The following MROH1 variants were observed in gnomAD, a reference collection of about 807,000 sequenced individuals.
The protein encoded by MROH1 is maestro heat like repeat family member 1, also known as maestro heat-like repeat-containing protein family member 1.
Under a neutral mutation model 116.5 loss-of-function variants are expected in MROH1, and 117 were observed. The ratio of observed to expected loss-of-function variants is 1.00; its 90% CI spans 0.86 to 1.17. The LOEUF (loss-of-function observed/expected upper bound fraction) is 1.17. Among genes scored for constraint, MROH1 ranks in the 50% most tolerant of loss-of-function variants. MROH1 has a pLI of 0.00. For missense variants in MROH1, 1,873 were observed against 1,338.5 expected, an observed-to-expected ratio of 1.40 and a Z score of -6.23; for synonymous variants, 921 against 583.9, an observed-to-expected ratio of 1.58 and a Z score of -8.32.
At position 144,199,148 on chromosome 8, in the gene MROH1, C is replaced by T. The variant is rs1249149432; in HGVS notation, c.975C>T (p.Ser325=). The change falls in exon 11 of 44, where the codon AGC becomes AGT. Residue 325 remains serine, a synonymous_variant. Transcript: ENST00000326134. The part of the protein sequence containing the change: ...SQICVPVESS[S]PLVMSNQKEV... ...TCTGTGTGCCTGTGGAGTCCTCAAG[C>T]CCCCTGGTGATGAGTAACCAGAAGG... 1.2e-6 allele frequency: 2 copies of T among 1,613,754 alleles called. No homozygotes were observed. The highest frequency in any genetic ancestry group is 1.7e-6 in the Non-Finnish European group (2 of 1,179,812).
At chr8:144,253,153 CA>C (rs1209553585) in intron 33 of MROH1, among the ~76,000 whole-genome samples, 1,837 of 146,820 alleles carry the variant, frequency 0.013, 30 homozygotes, top group African/African-American at 0.041. Context: ...GACTCTGTCT[CA>C]AAAAAAAAAG....
In MROH1 at chr8:144,163,891, C is replaced by T; in HGVS notation, c.22+43C>T. On this transcript the variant is annotated intron_variant, in intron 3 of 43. Transcript: ENST00000326134. The surrounding 1 kb of genome is among the most constrained non-coding windows in gnomAD (Gnocchi z 4.4). ...GGGAGTGGCCGGGTGTGAGGCCTCT[C>T]TTGCCTCTGGGTGGTCAGGGCAGGC... The T allele has an allele frequency of 6.2e-7, 1 of 1,610,872 alleles. No homozygotes were observed. Among genetic ancestry groups the T allele is most frequent in the Non-Finnish European group, 8.5e-7 (1 of 1,177,626 alleles).
chr8:144,154,665 C>CT (rs1224999167), intron 1 of MROH1, among the ~76,000 whole-genome samples: 4,262 of 133,796 alleles, frequency 0.032, 99 homozygotes, highest in African/African-American at 0.039. Flanking sequence ...AATACTGCAT[C>CT]TTTTTTTTTT....
intron 4 of MROH1, among the ~76,000 whole-genome samples, chr8:144,173,929 A>G (rs1823164802): frequency 6.6e-6 from 1 of 152,144 alleles, no homozygotes; most frequent in African/African-American, 2.4e-5. Context: ...TTATTGAGCG[A>G]TGAAAATGGC....
In MROH1 at chr8:144,261,307, C is replaced by T. The variant is rs1456926278; in HGVS notation, c.4798C>T (p.Pro1600Ser). The change falls in exon 43 of 44, where the codon CCC (proline) becomes TCC (serine). Residue 1600 changes from proline (P) to serine (S), a missense_variant. Physicochemically the swap from Pro to Ser is moderately conservative, Grantham distance 74 (BLOSUM62 -1). Coordinates refer to ENST00000326134, the MANE Select transcript of MROH1 (RefSeq NM_032450.3). ...FTGFLVLHSE[P>S]RQQPQVDLDQ... ...AGGGTTCCTGGTGCTGCACTCGGAGCCCAGGCAGCAGCCGCAGGTGGACCT... is the reference window on the plus strand; with the variant it reads ...AGGGTTCCTGGTGCTGCACTCGGAGTCCAGGCAGCAGCCGCAGGTGGACCT... 2.7e-6 allele frequency: 2 copies of T among 728,902 alleles called. No homozygotes were observed. The highest frequency in any genetic ancestry group is 2.5e-6 in the Non-Finnish European group (1 of 401,238). 45.2% of individuals were successfully genotyped at this position (728,902 alleles called of 1,614,324 possible).
intron 10 of MROH1, chr8:144,192,654 A>C: frequency 1.5e-6 from 1 of 669,588 alleles, no homozygotes; most frequent in Non-Finnish European, 2.7e-6. Flanking sequence ...GCCCAGGCCC[A>C]GTGCAGGCCC....
intron 12 of MROH1, among the ~76,000 whole-genome samples, chr8:144,219,185 GC>G (rs1267556712): frequency 6.6e-5 from 10 of 151,836 alleles, no homozygotes; most frequent in African/African-American, 2.4e-4. Context: ...ACCATGCCCG[GC>G]TAATTTTTTG....
rs966519018 is a variant in MROH1 at position 144,244,535 on chromosome 8, T to G, written c.2762T>G (p.Ile921Ser). Residue 921 changes from isoleucine to serine, a missense_variant, in exon 28 of 44, where the codon ATT becomes AGT. Transcript: ENST00000326134. ...NMTPQGLQIM[I>S]EHLSPWIKSP... ...ACCCCCCAAGGCCTGCAGATCATGA[T>G]TGAGGTGTGCAGGGGGGAACTGTCA... The G allele has an allele frequency of 1.4e-5, 11 of 761,912 alleles. No homozygotes were observed. Among genetic ancestry groups the G allele is most frequent in the Admixed American group, 3.5e-5 (2 of 56,840 alleles). The allele number at this position is 761,912 out of a possible 1,614,324, so 47.2% of individuals were successfully genotyped here.
intron 12 of MROH1, chr8:144,214,539 T>G (rs1834854741): frequency 6.6e-6 from 1 of 151,714 alleles, no homozygotes; most frequent in Non-Finnish European, 1.5e-5. Context: ...TAACTTTTGG[T>G]TTTTCCTTGG....
Position 144,241,092 on chromosome 8 carries a change from A to G in MROH1, c.2036A>G (p.Gln679Arg). The G allele has an allele frequency of 2.6e-6, 2 of 771,724 alleles. No homozygotes were observed. Among genetic ancestry groups the G allele is most frequent in the Non-Finnish European group, 4.8e-6 (2 of 414,224 alleles). The allele number at this position is 771,724 out of a possible 1,614,324, so 47.8% of individuals were successfully genotyped here. A position where few individuals can be genotyped will look rare whatever the true frequency, so the allele number is the denominator to read the frequency against. Reference sequence around the variant, plus strand: ...GAGCTGCTGGAGACGGCCAGATACCAGGAGGAGGCAGAACGCGAGGTGGGG... The same window carrying G: ...GAGCTGCTGGAGACGGCCAGATACCGGGAGGAGGCAGAACGCGAGGTGGGG... The part of the protein sequence containing the change: ...LQELLETARY[Q>R]EEAEREGLAC... Residue 679 changes from glutamine (Q) to arginine (R), a missense_variant, in exon 21 of 44, where the codon CAG becomes CGG. By Grantham distance (43) the Gln-to-Arg change is conservative. Coordinates refer to ENST00000326134, the MANE Select transcript of MROH1 (RefSeq NM_032450.3).
intron 4 of MROH1, among the ~76,000 whole-genome samples, chr8:144,170,249 C>G (rs925780215): frequency 6.6e-6 from 1 of 152,206 alleles, no homozygotes; most frequent in South Asian, 2.1e-4. Flanking sequence ...CTCCTCTGAG[C>G]CCCAGCCACT....
At chr8:144,178,284 ACC>A (rs1390683597) in intron 4 of MROH1, among the ~76,000 whole-genome samples, 1 of 151,994 alleles carries the variant, frequency 6.6e-6, no homozygotes, top group Non-Finnish European at 1.5e-5. Flanking sequence ...GGTGTGCGCC[ACC>A]ACACACGGCT....
intron 1 of MROH1, among the ~76,000 whole-genome samples, chr8:144,158,076 T>C (rs1818616960): frequency 7.1e-6 from 1 of 141,156 alleles, no homozygotes; most frequent in Admixed American, 7.5e-5. Context: ...CACTGCAAAC[T>C]CCGCCCCCTG....
intron 3 of MROH1, among the ~76,000 whole-genome samples, chr8:144,166,316 A>G (rs867183210): frequency 6.6e-6 from 1 of 152,190 alleles, no homozygotes; most frequent in South Asian, 2.1e-4. Flanking sequence ...TTGTAGCAGC[A>G]TTGCCGGTGT....
intron 12 of MROH1, among the ~76,000 whole-genome samples, chr8:144,207,974 T>TTGC (rs1282962951): frequency 1.3e-5 from 2 of 151,506 alleles, no homozygotes; most frequent in African/African-American, 4.9e-5. Flanking sequence ...AGACAGAGTT[T>TTGC]TGCTGTTGTT....
At chr8:144,212,985 G>A (rs1167926731) in intron 12 of MROH1, 3 of 773,598 alleles carry the variant, frequency 3.9e-6, no homozygotes, top group Admixed American at 1.7e-5. Flanking sequence ...GTTTGATCTC[G>A]TTACACAGGC....
intron 34 of MROH1, 97 bp from the exon 35 acceptor site, chr8:144,255,412 T>C (rs958097800): frequency 0.77 from 538,987 of 703,916 alleles, 207,535 homozygotes; most frequent in African/African-American, 0.92. Flanking sequence ...TCCGAGCACA[T>C]GATGCAGGCG....
intron 14 of MROH1, among the ~76,000 whole-genome samples, chr8:144,230,357 C>G (rs760442894): frequency 1.3e-5 from 2 of 152,182 alleles, no homozygotes; most frequent in South Asian, 2.1e-4. Flanking sequence ...TCTTATCATT[C>G]GTGTGTTCAC....
At position 144,255,633 on chromosome 8, in the gene MROH1, C is replaced by T. The variant is rs1458718563; in HGVS notation, c.3719C>T (p.Pro1240Leu). The T allele has an allele frequency of 2.6e-6, 2 of 774,426 alleles. No homozygotes were observed. Among genetic ancestry groups the T allele is most frequent in the Non-Finnish European group, 4.8e-6 (2 of 416,104 alleles). 48.0% of individuals were successfully genotyped at this position (774,426 alleles called of 1,614,324 possible). Residue 1240 changes from proline to leucine, a missense_variant, in exon 35 of 44, where the codon CCC becomes CTC. Transcript: ENST00000326134. The stretch of plus-strand genomic sequence containing the variant: ...AGCTGCACCGTGGGTGTCCAGCTGC[C>T]CCGGAACCTGCAGGCCCAGGAAAGG... ...RVSCTVGVQL[P>L]RNLQAQERRG...
Sources: gnomAD v4.1 joint callset for allele counts (sites outside exome capture counted in the v4.1 genomes callset) on GRCh38, gnomAD v4.1.1 for gene constraint, Gnocchi (gnomAD v3.1) non-coding constraint, MANE v1.5 for transcripts, NCBI Gene and HGNC (gene_info 2026-07-23, HGNC 2026-07-21) for gene names.